Variants in COL19A1 observed in about 807,000 individuals in gnomAD.
COL19A1 encodes the protein collagen alpha-1(XIX) chain.
A neutral mutation model predicts 190.2 loss-of-function variants in COL19A1; 159 were observed. The ratio of observed to expected loss-of-function variants is 0.84; its 90% CI spans 0.73 to 0.95. COL19A1 has a LOEUF of 0.95. Ranked by LOEUF, COL19A1 falls within the 40% of genes least tolerant of loss-of-function variation. The pLI is 0.00. For synonymous variants in COL19A1, 509 were observed against 458.9 expected, an observed-to-expected ratio of 1.11 and a Z score of -1.39; for missense variants, 1,418 against 1,431.9, an observed-to-expected ratio of 0.99 and a Z score of 0.16.
At chr6:70,190,756 TG>T (rs1025509406) in intron 48 of COL19A1, among the ~76,000 whole-genome samples, 5 of 152,224 alleles carry the variant, frequency 3.3e-5, no homozygotes, top group African/African-American at 1.2e-4. Flanking sequence ...AATTTATAAA[TG>T]ACTCTCATTT....
At chr6:70,203,302 C>T (rs1767661813) in intron 49 of COL19A1, among the ~76,000 whole-genome samples, 1 of 152,178 alleles carries the variant, frequency 6.6e-6, no homozygotes, top group Admixed American at 6.5e-5. Flanking sequence ...ATCGCATGCA[C>T]CCTGCATCAG....
intron 10 of COL19A1, 33 bp downstream of exon 10, chr6:69,960,073 A>G (rs1257321904): frequency 1.3e-6 from 2 of 1,592,006 alleles, no homozygotes; most frequent in Non-Finnish European, 1.7e-6. Flanking sequence ...ATCTGAGTTA[A>G]GAATTTTAAC....
chr6:70,023,254 C>T lies in COL19A1; in HGVS notation c.1027-373C>T, dbSNP rs548493225. On this transcript the variant is annotated intron_variant, in intron 11 of 50. Coordinates refer to ENST00000620364, the MANE Select transcript of COL19A1 (RefSeq NM_001858.6). Reference sequence around the variant, plus strand: ...GTTCAAGCAATTCTTCTGCCTCAGCCTCCTGAGTAGCTGGGACTACAGGCG... The same window carrying T: ...GTTCAAGCAATTCTTCTGCCTCAGCTTCCTGAGTAGCTGGGACTACAGGCG... 2.7e-3 allele frequency among the ~76,000 whole-genome samples: 409 copies of T among 152,012 alleles called. 3 individuals are homozygous for T. Among genetic ancestry groups the T allele is most frequent in the Non-Finnish European group, 3.8e-3 (258 of 67,984 alleles).
At chr6:69,871,519 C>G (rs752000834) in intron 1 of COL19A1, among the ~76,000 whole-genome samples, 1 of 152,166 alleles carries the variant, frequency 6.6e-6, no homozygotes, top group African/African-American at 2.4e-5. Context: ...GTTGAGATGC[C>G]ATGTACATTA....
chr6:70,074,211 G>T (rs1408754573), intron 15 of COL19A1, among the ~76,000 whole-genome samples: 2 of 151,758 alleles, frequency 1.3e-5, no homozygotes, highest in East Asian at 3.9e-4. Context: ...AATAATAATA[G>T]TGTTTCATTG....
intron 2 of COL19A1, among the ~76,000 whole-genome samples, chr6:69,896,257 G>T (rs1048219715): frequency 1.3e-5 from 2 of 152,068 alleles, no homozygotes; most frequent in Non-Finnish European, 2.9e-5. Flanking sequence ...TGCCAAACAG[G>T]CCGGGCGCGG....
At chr6:70,085,209 AT>A (rs1782507637) in intron 15 of COL19A1, among the ~76,000 whole-genome samples, 1 of 152,282 alleles carries the variant, frequency 6.6e-6, no homozygotes, top group African/African-American at 2.4e-5. Context: ...ACTTTTCTGG[AT>A]TTGTTGCTAG....
At chr6:69,886,055 G>T (rs61267713) in intron 2 of COL19A1, among the ~76,000 whole-genome samples, 1,596 of 152,130 alleles carry the variant, frequency 0.01, 24 homozygotes, top group African/African-American at 0.033. Flanking sequence ...CAACCTATGG[G>T]CTGGGAAAAA....
intron 1 of COL19A1, among the ~76,000 whole-genome samples, chr6:69,871,885 C>T (rs921972403): frequency 7.1e-6 from 1 of 140,860 alleles, no homozygotes; most frequent in African/African-American, 2.7e-5. Flanking sequence ...TGTGATCTTT[C>T]GGCTCACTGC....
intron 44 of COL19A1, among the ~76,000 whole-genome samples, chr6:70,184,412 T>TCACTTAATTC: frequency 1.3e-5 from 2 of 152,360 alleles, no homozygotes; most frequent in Middle Eastern, 3.4e-3. Context: ...TCATGTTATT[T>TCACTTAATTC]CACTTAATTC....
intron 30 of COL19A1, among the ~76,000 whole-genome samples, chr6:70,150,301 T>C (rs1786971468): frequency 6.6e-6 from 1 of 152,200 alleles, no homozygotes; most frequent in South Asian, 2.1e-4. Context: ...TGGCATATAA[T>C]GTCTCAATCC....
intron 16 of COL19A1, among the ~76,000 whole-genome samples, chr6:70,111,823 C>T (rs1357311888): frequency 6.6e-6 from 1 of 152,170 alleles, no homozygotes; most frequent in Non-Finnish European, 1.5e-5. Flanking sequence ...CTTAACATCA[C>T]ACATTTGAGT....
At chr6:70,150,363 C>A (rs910343611) in intron 30 of COL19A1, among the ~76,000 whole-genome samples, 1 of 152,042 alleles carries the variant, frequency 6.6e-6, no homozygotes, top group Non-Finnish European at 1.5e-5. Flanking sequence ...TTTTCTAATG[C>A]TAGTGGCTAA....
intron 16 of COL19A1, among the ~76,000 whole-genome samples, chr6:70,121,392 G>A (rs1215149255): frequency 6.6e-6 from 1 of 151,908 alleles, no homozygotes; most frequent in African/African-American, 2.4e-5. Flanking sequence ...CTTTTTTCTG[G>A]CCCAAAAGTC....
chr6:69,898,373 ACTAT>A (rs1409783502), intron 2 of COL19A1, among the ~76,000 whole-genome samples: 16 of 152,158 alleles, frequency 1.1e-4, no homozygotes, highest in African/African-American at 9.7e-5. Context: ...CTGAGTTGAG[ACTAT>A]CTTTTATTTC....
chr6:70,108,685 C>T (rs1175378521), intron 16 of COL19A1, among the ~76,000 whole-genome samples: 2 of 152,146 alleles, frequency 1.3e-5, no homozygotes, highest in Non-Finnish European at 2.9e-5. Flanking sequence ...ATACCTACTT[C>T]ATGGATCTCT....
At chr6:69,976,297 T>G (rs903366644) in intron 11 of COL19A1, among the ~76,000 whole-genome samples, 9 of 152,318 alleles carry the variant, frequency 5.9e-5, no homozygotes, top group African/African-American at 2.2e-4. Flanking sequence ...GGCCTTCAAT[T>G]TATTTTCAAA....
At chr6:70,008,799 T>A (rs1397273226) in intron 11 of COL19A1, among the ~76,000 whole-genome samples, 1 of 151,754 alleles carries the variant, frequency 6.6e-6, no homozygotes, top group African/African-American at 2.4e-5. Context: ...AAAAACCACT[T>A]AACAAATATT....
chr6:70,068,368 G>T (rs540509782), intron 14 of COL19A1, 55 bp from the exon 15 acceptor site: 1 of 1,062,856 alleles, frequency 9.4e-7, no homozygotes, highest in East Asian at 2.3e-5. Context: ...AACATTCTTT[G>T]TGAGGCAGGT....
Sources: gnomAD v4.1 joint callset for allele counts (sites outside exome capture counted in the v4.1 genomes callset) on GRCh38, gnomAD v4.1.1 for gene constraint, MANE v1.5 for transcripts, NCBI Gene and HGNC (gene_info 2026-07-23, HGNC 2026-07-21) for gene names.